The following KCNT2 variants were observed in gnomAD, a reference collection of about 807,000 sequenced individuals.
KCNT2 encodes the protein potassium sodium-activated channel subfamily T member 2, also known as potassium channel subfamily T member 2.
KCNT2 carries 67 observed loss-of-function variants against 153.8 expected under a neutral mutation model. The observed-to-expected ratio is 0.44, with a 90% CI of 0.36 to 0.53. KCNT2 has a LOEUF of 0.53. Ranked by LOEUF, KCNT2 falls within the 20% of genes least tolerant of loss-of-function variation. The pLI is 0.00. For missense variants in KCNT2, 975 were observed against 1,354.8 expected (o/e 0.72, Z 4.40); for synonymous variants, 500 against 458.8 (o/e 1.09, Z -1.15).
At chr1:196,418,851 C>T (rs1672959204) in intron 12 of KCNT2, among the ~76,000 whole-genome samples, 1 of 152,076 alleles carries the variant, frequency 6.6e-6, no homozygotes, top group Non-Finnish European at 1.5e-5. Context: ...ATCCAAAACC[C>T]CTGCCCAGAA....
At chr1:196,464,119 C>A (rs1677397484) in intron 8 of KCNT2, among the ~76,000 whole-genome samples, 1 of 151,646 alleles carries the variant, frequency 6.6e-6, no homozygotes, top group Non-Finnish European at 1.5e-5. Context: ...TGAGAAAACA[C>A]TCCTAAGTTG....
chr1:196,273,430 A>G, intron 25 of KCNT2: 1 of 1,419,742 alleles, frequency 7.0e-7, no homozygotes, highest in Non-Finnish European at 9.6e-7. Flanking sequence ...AATATATTAC[A>G]CCATTTGAGG....
At chr1:196,389,059 A>T (rs994625949) in intron 13 of KCNT2, among the ~76,000 whole-genome samples, 1 of 151,720 alleles carries the variant, frequency 6.6e-6, no homozygotes, top group Non-Finnish European at 1.5e-5. Flanking sequence ...AACATTACTG[A>T]TTTTTAAAAT....
intron 1 of KCNT2, among the ~76,000 whole-genome samples, chr1:196,539,031 A>G (rs1383930563): frequency 6.6e-6 from 1 of 152,192 alleles, no homozygotes. Flanking sequence ...TTGTCTAAAC[A>G]ATGGCATTTC....
chr1:196,522,942 T>C (rs1398801851), intron 1 of KCNT2, among the ~76,000 whole-genome samples: 1 of 152,182 alleles, frequency 6.6e-6, no homozygotes, highest in Admixed American at 6.5e-5. Flanking sequence ...AATAAAGGAA[T>C]AAAAGCTGGC....
intron 8 of KCNT2, among the ~76,000 whole-genome samples, chr1:196,434,566 A>G (rs1024854660): frequency 1.3e-5 from 2 of 151,996 alleles, no homozygotes; most frequent in African/African-American, 4.8e-5. Context: ...CTGTTTAAAG[A>G]AACCTCTATA....
chr1:196,511,527 A>G (rs1681630388), intron 1 of KCNT2, among the ~76,000 whole-genome samples: 1 of 152,140 alleles, frequency 6.6e-6, no homozygotes, highest in African/African-American at 2.4e-5. Context: ...ACATAATGAG[A>G]CTTATAATTA....
intron 13 of KCNT2, among the ~76,000 whole-genome samples, chr1:196,377,948 G>A (rs1455320537): frequency 6.6e-6 from 1 of 152,016 alleles, no homozygotes; most frequent in Non-Finnish European, 1.5e-5. Flanking sequence ...AAGAAAGATG[G>A]TGATATGGAC....
intron 18 of KCNT2, among the ~76,000 whole-genome samples, chr1:196,329,950 CAT>C (rs71154737): frequency 0.37 from 27,433 of 73,182 alleles, 4,490 homozygotes; most frequent in East Asian, 0.56. Flanking sequence ...TTCCTCAAGA[CAT>C]ATATATATAT....
intron 26 of KCNT2, among the ~76,000 whole-genome samples, chr1:196,251,969 C>G (rs928833249): frequency 3.3e-5 from 5 of 151,740 alleles, no homozygotes; most frequent in Non-Finnish European, 7.4e-5. Flanking sequence ...TTTTATGCAA[C>G]ATATATGGCG....
At chr1:196,529,758 T>A (rs1654700494) in intron 1 of KCNT2, among the ~76,000 whole-genome samples, 1 of 152,112 alleles carries the variant, frequency 6.6e-6, no homozygotes, top group Admixed American at 6.6e-5. Flanking sequence ...ACACTGTGCA[T>A]TCATTAATAG....
intron 13 of KCNT2, among the ~76,000 whole-genome samples, chr1:196,381,301 A>G (rs188220859): frequency 2.0e-5 from 3 of 152,098 alleles, no homozygotes; most frequent in Non-Finnish European, 2.9e-5. Context: ...ATAAATACAT[A>G]GCAGTCTTAA....
At chr1:196,514,738 A>G (rs761032748) in intron 1 of KCNT2, among the ~76,000 whole-genome samples, 1 of 152,158 alleles carries the variant, frequency 6.6e-6, no homozygotes, top group Non-Finnish European at 1.5e-5. Flanking sequence ...ACATAAAAAT[A>G]TAAGATAGTT....
At chr1:196,391,826 C>T (rs1393364269) in intron 13 of KCNT2, among the ~76,000 whole-genome samples, 6 of 151,204 alleles carry the variant, frequency 4.0e-5, no homozygotes, top group Non-Finnish European at 7.4e-5. Flanking sequence ...ACTCTTTGCA[C>T]TATCTATACT....
At chr1:196,488,990 T>C (rs1267366044) in intron 3 of KCNT2, among the ~76,000 whole-genome samples, 1 of 151,998 alleles carries the variant, frequency 6.6e-6, no homozygotes, top group Admixed American at 6.6e-5. Flanking sequence ...ATAAGGATTT[T>C]AGATTAACTG....
At chr1:196,303,492 C>A (rs1482160331) in intron 22 of KCNT2, among the ~76,000 whole-genome samples, 2 of 152,106 alleles carry the variant, frequency 1.3e-5, no homozygotes, top group Non-Finnish European at 2.9e-5. Flanking sequence ...ACAATTATGA[C>A]CTTGCTACGT....
chr1:196,309,372 C>A (rs1378474937), intron 21 of KCNT2, among the ~76,000 whole-genome samples: 1 of 151,834 alleles, frequency 6.6e-6, no homozygotes, highest in Non-Finnish European at 1.5e-5. Context: ...TAGAAATATA[C>A]ACATATATGT....
chr1:196,332,902 AG>A (rs2148112115), intron 17 of KCNT2, among the ~76,000 whole-genome samples: 1 of 151,372 alleles, frequency 6.6e-6, no homozygotes, highest in African/African-American at 2.4e-5. Context: ...CTCCTGTCTC[AG>A]CCTTCCAAGT....
intron 21 of KCNT2, among the ~76,000 whole-genome samples, chr1:196,309,456 G>A (rs1661950327): frequency 6.6e-6 from 1 of 151,800 alleles, no homozygotes; most frequent in Non-Finnish European, 1.5e-5. Flanking sequence ...GTATTTGAGT[G>A]GCTTCTGGAG....
Sources: allele counts gnomAD v4.1 joint callset (sites outside exome capture counted in the v4.1 genomes callset), GRCh38; gene constraint gnomAD v4.1.1; transcripts MANE v1.5; gene names NCBI Gene and HGNC (gene_info 2026-07-23, HGNC 2026-07-21).